The following SHOC1 variants were observed in gnomAD, a reference collection of about 807,000 sequenced individuals.
SHOC1 encodes shortage in chiasmata 1.
SHOC1 carries 136 observed loss-of-function variants against 179.2 expected under a neutral mutation model. The ratio of observed to expected loss-of-function variants is 0.76; its 90% confidence interval spans 0.66 to 0.87. The LOEUF (loss-of-function observed/expected upper bound fraction) is 0.87. SHOC1 is among the 40% of genes least tolerant of loss of function. The pLI, the probability that SHOC1 is intolerant of heterozygous loss-of-function variation, is 0.00. For synonymous variants in SHOC1, 489 were observed against 586.6 expected (o/e 0.83, Z 2.41); for missense variants, 1,538 against 1,700.8 (o/e 0.90, Z 1.68).
chr9:111,703,895 C>A lies in SHOC1; in HGVS notation c.2953G>T (p.Ala985Ser). 6.3e-7 allele frequency: 1 copy of A among 1,589,868 alleles called. No individual in the cohort carries two copies. The highest frequency in any genetic ancestry group is 8.6e-7 in the Non-Finnish European group (1 of 1,162,276). Residue 985 changes from alanine (A) to serine (S), a missense_variant, in exon 22 of 28, where the codon GCC becomes TCC. Ala to Ser is a moderately conservative substitution (Grantham distance 99). Transcript: ENST00000682961. ...CCTAGTTTTACCTGCAAAATTATGG[C>A]AGTGTGTTCATCAATTGTCACCACT... is the stretch of plus-strand genomic sequence containing the variant. ...YVVVTIDEHT[A>S]IILQDLEELN...
chr9:111,704,072 T>C (rs1832128821), intron 21 of SHOC1, 80 bp from the exon 22 acceptor site: 1 of 629,602 alleles, frequency 1.6e-6, no homozygotes, highest in East Asian at 2.9e-5. Flanking sequence ...CCCTCCTGCA[T>C]GTTAAGTTAT....
In SHOC1 at chr9:111,706,721, T is replaced by C; in HGVS notation, c.2584A>G (p.Asn862Asp). ...RGTSSCVVVHNQYIGADFPWS... is the reference protein window; with the variant it reads ...RGTSSCVVVHDQYIGADFPWS... The stretch of plus-strand genomic sequence containing the variant: ...GGGAAATCTGCTCCAATATATTGAT[T>C]ATGTACAACTACACAGGAACTTGTA... Residue 862 changes from asparagine to aspartate, a missense_variant, in exon 20 of 28, where the codon AAT becomes GAT. Physicochemically the swap from Asn to Asp is conservative, Grantham distance 23. Transcript: ENST00000682961. 2 of 1,601,868 alleles carry C rather than the reference T, an allele frequency of 1.2e-6. No homozygotes were observed. Among genetic ancestry groups the C allele is most frequent in the Non-Finnish European group, 1.7e-6 (2 of 1,174,440 alleles).
In SHOC1 at chr9:111,748,167, C is replaced by A. The variant is rs375607309; in HGVS notation, c.895G>T (p.Gly299Trp). 1 of 1,613,350 alleles carries A rather than the reference C, an allele frequency of 6.2e-7. No homozygotes were observed. The highest frequency in any genetic ancestry group is 8.5e-7 in the Non-Finnish European group (1 of 1,179,560). The change falls in exon 9 of 28, where the codon GGG becomes TGG. Residue 299 changes from glycine (G) to tryptophan (W), a missense_variant. Gly to Trp is a radical substitution (Grantham distance 184). Transcript: ENST00000682961. Reference sequence around the variant, plus strand: ...TCTGTGGAGCTGAATTTTATATCCCCGATATCCTCAATTCCATGCTTGTTA... The same window carrying A: ...TCTGTGGAGCTGAATTTTATATCCCAGATATCCTCAATTCCATGCTTGTTA... ...LTNKHGIEDIGDIKFSSTEIL... is the reference protein window; with the variant it reads ...LTNKHGIEDIWDIKFSSTEIL...
chr9:111,772,806 A>G (rs1052448072), intron 5 of SHOC1, among the ~76,000 whole-genome samples: 1 of 152,178 alleles, frequency 6.6e-6, no homozygotes, highest in African/African-American at 2.4e-5. Context: ...CAGAGTTTCC[A>G]GGGCTGGGGA....
At chr9:111,781,123 C>A in intron 3 of SHOC1, 106 bp from the exon 4 acceptor site, 1 of 736,276 alleles carries the variant, frequency 1.4e-6, no homozygotes, top group South Asian at 2.0e-5. Flanking sequence ...TTTATTTATT[C>A]ACAAATGTAT....
chr9:111,697,211 C>G (rs1554708915), intron 24 of SHOC1, among the ~76,000 whole-genome samples: 1 of 148,290 alleles, frequency 6.7e-6, no homozygotes, highest in Non-Finnish European at 1.5e-5. Context: ...TTTAATTATA[C>G]TTTAAGTTCT....
rs755178659 is a variant in SHOC1 at position 111,746,341 on chromosome 9, T to C, written c.972A>G (p.Gly324=). ...QSEPEECSKP[G]ELEMPLTPLF... is the part of the protein sequence containing the mutation. ...GAGGAGTTAGTGGCATTTCTAACTCTCCTGGAATATATGAAAATTAAAGTT... is the reference window on the plus strand; with the variant it reads ...GAGGAGTTAGTGGCATTTCTAACTCCCCTGGAATATATGAAAATTAAAGTT... Residue 324 remains glycine, a splice_region_variant and synonymous_variant, in exon 10 of 28, where the codon GGA becomes GGG. Coordinates refer to ENST00000682961, the MANE Select transcript of SHOC1 (RefSeq NM_001378211.1). 3.2e-6 allele frequency: 5 copies of C among 1,572,166 alleles called. No homozygotes were observed. In the South Asian group the frequency reaches 5.5e-5, roughly 17 times the overall value.
At chr9:111,702,016 A>G in intron 23 of SHOC1, 89 bp downstream of exon 23, 2 of 934,578 alleles carry the variant, frequency 2.1e-6, no homozygotes, top group African/African-American at 3.5e-5. Flanking sequence ...ATGAGCATGC[A>G]GAAAATTGCA....
chr9:111,732,208 G>C (rs1239035002), intron 12 of SHOC1, among the ~76,000 whole-genome samples: 2 of 152,158 alleles, frequency 1.3e-5, no homozygotes, highest in East Asian at 3.8e-4. Context: ...AATGTGCAAT[G>C]ATGAAATTAC....
At chr9:111,791,723 G>T (rs771309356) in intron 1 of SHOC1, among the ~76,000 whole-genome samples, 2 of 152,214 alleles carry the variant, frequency 1.3e-5, no homozygotes, top group African/African-American at 4.8e-5. Flanking sequence ...TGCAAAAGAG[G>T]TTGAAATTTA....
chr9:111,695,619 A>C (rs904280250), intron 24 of SHOC1, among the ~76,000 whole-genome samples: 1 of 152,196 alleles, frequency 6.6e-6, no homozygotes, highest in Non-Finnish European at 1.5e-5. Flanking sequence ...CTGTGCTTGG[A>C]GTTATTTCTA....
chr9:111,737,226 C>G (rs138188266), intron 12 of SHOC1, among the ~76,000 whole-genome samples: 1 of 152,152 alleles, frequency 6.6e-6, no homozygotes, highest in Non-Finnish European at 1.5e-5. Flanking sequence ...TTAAAAAAAT[C>G]GTTCTGTCTT....
chr9:111,758,637 T>A, intron 6 of SHOC1, 58 bp downstream of exon 6: 1 of 1,427,902 alleles, frequency 7.0e-7, no homozygotes, highest in Non-Finnish European at 9.5e-7. Context: ...CTTGTGATCA[T>A]ACTAAAACAT....
At chr9:111,772,594 C>T (rs756150723) in intron 5 of SHOC1, among the ~76,000 whole-genome samples, 9 of 152,202 alleles carry the variant, frequency 5.9e-5, no homozygotes, top group Non-Finnish European at 1.2e-4. Flanking sequence ...ACTACTATTG[C>T]CTTTTTCTTG....
chr9:111,694,312 A>C lies in SHOC1; in HGVS notation c.3234T>G (p.Ile1078Met), dbSNP rs1831590217. The C allele has an allele frequency of 6.2e-7, 1 of 1,611,550 alleles. No homozygotes were observed. Among genetic ancestry groups the C allele is most frequent in the South Asian group, 1.1e-5 (1 of 90,878 alleles). Residue 1078 changes from isoleucine (I) to methionine (M), a missense_variant, in exon 25 of 28, where the codon ATT becomes ATG. By Grantham distance (10) the Ile-to-Met change is conservative. Transcript: ENST00000682961. ...TTGAGGTCATTAAACTGTGGTCAGC[A>C]ATTTGTCGAATTATCAAGGCAGTTG... is the stretch of plus-strand genomic sequence containing the variant. ...VEATALIIRQIADHSLMTSKR... is the reference protein window; with the variant it reads ...VEATALIIRQMADHSLMTSKR...
At chr9:111,702,453 C>T (rs10981022) in intron 22 of SHOC1, among the ~76,000 whole-genome samples, 55,955 of 151,994 alleles carry the variant, frequency 0.37, 11,699 homozygotes, top group East Asian at 0.61. Context: ...GCTCCTGAAT[C>T]TCCCGAGGTC....
At chr9:111,697,526 C>A (rs1831758371) in intron 24 of SHOC1, among the ~76,000 whole-genome samples, 1 of 152,088 alleles carries the variant, frequency 6.6e-6, no homozygotes, top group African/African-American at 2.4e-5. Context: ...TGGACTCATC[C>A]TTTTTTATGG....
chr9:111,719,026 T>A (rs769486296), intron 15 of SHOC1, among the ~76,000 whole-genome samples: 11 of 152,140 alleles, frequency 7.2e-5, no homozygotes, highest in Admixed American at 1.3e-4. Context: ...AAATTGATGA[T>A]CTATTCAATG....
chr9:111,694,868 C>T (rs1831618797), intron 24 of SHOC1, among the ~76,000 whole-genome samples: 1 of 152,098 alleles, frequency 6.6e-6, no homozygotes, highest in Non-Finnish European at 1.5e-5. Flanking sequence ...GAGTAGTCAT[C>T]ATTCCCAGCA....
Sources: allele counts gnomAD v4.1 joint callset (sites outside exome capture counted in the v4.1 genomes callset), GRCh38; gene constraint gnomAD v4.1.1; transcripts MANE v1.5; gene names NCBI Gene and HGNC (gene_info 2026-07-23, HGNC 2026-07-21).